Variants in TRIP12 observed in about 807,000 individuals in gnomAD.
The protein encoded by TRIP12 is thyroid hormone receptor interactor 12, also known as E3 ubiquitin-protein ligase TRIP12.
TRIP12 carries 25 observed loss-of-function variants against 244.2 expected under a neutral mutation model. That is an observed-to-expected ratio of 0.10 (90% CI 0.07 to 0.14). TRIP12 has a LOEUF of 0.14. Among genes scored for constraint, TRIP12 ranks in the 10% least tolerant of loss-of-function variants. The probability of loss-of-function intolerance (pLI) is 1.00; values close to 1 mark genes in which losing one functional copy is unlikely to be tolerated. For missense variants in TRIP12, 1,677 were observed against 2,486.4 expected (o/e 0.67, Z 6.92); for synonymous variants, 905 against 873.1 (o/e 1.04, Z -0.64).
chr2:229,864,343 C>G (rs1273484317), intron 2 of TRIP12, among the ~76,000 whole-genome samples: 3 of 152,102 alleles, frequency 2.0e-5, no homozygotes, highest in African/African-American at 7.2e-5. Context: ...TGTATTTTCT[C>G]CTTTTAAGTG....
chr2:229,773,219 G>A (rs1443320310), intron 38 of TRIP12, among the ~76,000 whole-genome samples: 1 of 151,858 alleles, frequency 6.6e-6, no homozygotes, highest in Non-Finnish European at 1.5e-5. Flanking sequence ...GGGACTACAG[G>A]TGTGTGCCAC....
intron 27 of TRIP12, 60 bp downstream of exon 27, chr2:229,792,911 CTT>C (rs1474225158): frequency 6.7e-7 from 1 of 1,503,290 alleles, no homozygotes; most frequent in African/African-American, 1.4e-5. Flanking sequence ...GTATGTAACT[CTT>C]AATGTAAATT....
rs76977528 is a variant in TRIP12 at position 229,819,123 on chromosome 2, AGAT to A, written c.1451-614_1451-612del. Among the ~76,000 whole-genome samples the A allele has an allele frequency of 7.2e-5, 11 of 151,870 alleles. No individual in the cohort carries two copies. In the East Asian group the frequency reaches 2.1e-3, roughly 29 times the overall value. On this transcript the variant is annotated intron_variant, in intron 8 of 41. Transcript: ENST00000675903. ...TTGCATCCTCTTTCATTTCCTGCAC[AGAT>A]GATGGCTATTAGAATGTTCCTACTT...
At chr2:229,793,201 T>C in intron 26 of TRIP12, 56 bp from the exon 27 acceptor site, 1 of 1,525,934 alleles carries the variant, frequency 6.6e-7, no homozygotes, top group Non-Finnish European at 8.9e-7. Flanking sequence ...TTAATATACA[T>C]TAATTCAAAT....
chr2:229,799,188 T>G, intron 22 of TRIP12, 95 bp downstream of exon 22: 1 of 1,522,474 alleles, frequency 6.6e-7, no homozygotes, highest in Non-Finnish European at 9.1e-7. Context: ...AACTTAGGCA[T>G]ACTTCAAGAG....
chr2:229,831,071 C>G (rs2053215073), intron 6 of TRIP12: 1 of 696,746 alleles, frequency 1.4e-6, no homozygotes, highest in South Asian at 1.6e-5. Flanking sequence ...GCTTGTTTTT[C>G]ATTTATATGT....
At chr2:229,919,187 G>GCGAT (rs1560382746) in intron 1 of TRIP12, among the ~76,000 whole-genome samples, 2 of 152,204 alleles carry the variant, frequency 1.3e-5, no homozygotes, top group African/African-American at 4.8e-5. Flanking sequence ...ACCAAGGCAG[G>GCGAT]CGGATCACCT....
chr2:229,840,579 G>A (rs1374922046), intron 5 of TRIP12, among the ~76,000 whole-genome samples: 3 of 152,024 alleles, frequency 2.0e-5, no homozygotes, highest in Non-Finnish European at 4.4e-5. Flanking sequence ...GCAGGCACCT[G>A]TAATCCCAGC....
rs11303479 is a variant in TRIP12, at chr2:229,890,080, CTTTTTTT to C, written c.-49-9959_-49-9953del. On this transcript the variant is annotated intron_variant, in intron 1 of 41. Transcript: ENST00000675903. ...AATAATGACATCACAGAGGTTAACT[CTTTTTTT>C]TTTTTTTTTTGAGATGGAGTCTTGT... Among the ~76,000 whole-genome samples, 3 of 130,138 alleles carry C rather than the reference CTTTTTTT, an allele frequency of 2.3e-5. No individual in the cohort carries two copies. The South Asian group carries it at 7.5e-4, about 33-fold the overall frequency. 85.4% of individuals were successfully genotyped at this position (130,138 alleles called of 152,430 possible). A position where few individuals can be genotyped will look rare whatever the true frequency, so the allele number is the denominator to read the frequency against.
chr2:229,881,001 G>A (rs2064752017), intron 1 of TRIP12, among the ~76,000 whole-genome samples: 1 of 152,190 alleles, frequency 6.6e-6, no homozygotes, highest in African/African-American at 2.4e-5. Flanking sequence ...AAAAGATGAG[G>A]AGAAAACAGC....
intron 26 of TRIP12, 187 bp downstream of exon 26, chr2:229,794,992 C>T: frequency 1.8e-6 from 1 of 544,060 alleles, no homozygotes; most frequent in Middle Eastern, 5.0e-4. Flanking sequence ...CTGTTTAAGG[C>T]ATATGGTATA....
At chr2:229,884,082 G>A (rs1348380181) in intron 1 of TRIP12, among the ~76,000 whole-genome samples, 3 of 151,212 alleles carry the variant, frequency 2.0e-5, no homozygotes, top group South Asian at 2.1e-4. Context: ...CTGCACTCCA[G>A]CCCAACTAAT....
chr2:229,922,547 A>G (rs753556519), upstream of TRIP12: 1 of 1,613,782 alleles, frequency 6.2e-7, no homozygotes, highest in Non-Finnish European at 8.5e-7. Context: ...TCTCTTTGAA[A>G]CTGTAGGACA....
chr2:229,840,573 G>A (rs546162635), intron 5 of TRIP12, among the ~76,000 whole-genome samples: 3 of 151,956 alleles, frequency 2.0e-5, no homozygotes, highest in East Asian at 1.9e-4. Flanking sequence ...GGGGTGGCAG[G>A]CACCTGTAAT....
At chr2:229,910,335 T>C (rs544957325) in intron 1 of TRIP12, among the ~76,000 whole-genome samples, 2 of 152,320 alleles carry the variant, frequency 1.3e-5, no homozygotes, top group South Asian at 4.1e-4. Context: ...ATCACCTTCA[T>C]TTTCTTTTTT....
At chr2:229,788,723 GTT>G in intron 32 of TRIP12, 73 bp downstream of exon 32, 1 of 1,541,840 alleles carries the variant, frequency 6.5e-7, no homozygotes, top group Non-Finnish European at 8.8e-7. Context: ...TAAAGACAAT[GTT>G]TCTGTAACAA....
chr2:229,891,690 CT>C (rs1345182425), intron 1 of TRIP12, among the ~76,000 whole-genome samples: 1 of 152,218 alleles, frequency 6.6e-6, no homozygotes, highest in Non-Finnish European at 1.5e-5. Flanking sequence ...GGTTTGACAA[CT>C]GTGACACAGA....
chr2:229,777,638 T>C (rs1334221906), intron 36 of TRIP12, among the ~76,000 whole-genome samples, 159 bp from the exon 37 acceptor site: 4 of 152,308 alleles, frequency 2.6e-5, no homozygotes, highest in South Asian at 2.1e-4. Context: ...CTACACAAAA[T>C]TGATTCTCTT....
At chr2:229,783,492 T>C (rs897421470) in intron 34 of TRIP12, among the ~76,000 whole-genome samples, 1 of 152,198 alleles carries the variant, frequency 6.6e-6, no homozygotes, top group East Asian at 1.9e-4. Flanking sequence ...ACTGTATTTC[T>C]AGAAACCAAC....
Sources: allele counts gnomAD v4.1 joint callset (sites outside exome capture counted in the v4.1 genomes callset), GRCh38; gene constraint gnomAD v4.1.1; transcripts MANE v1.5; gene names NCBI Gene and HGNC (gene_info 2026-07-23, HGNC 2026-07-21).